ZFPM2: variants seen among roughly 807,000 people sequenced by gnomAD.
ZFPM2 encodes zinc finger protein, FOG family member 2.
In ZFPM2, 20 loss-of-function variants were observed where a neutral mutation model predicts 98.6. The ratio of observed to expected loss-of-function variants is 0.20; its 90% CI spans 0.14 to 0.29. The LOEUF (loss-of-function observed/expected upper bound fraction) is 0.29. ZFPM2 is among the 10% of genes least tolerant of loss of function. The pLI, the probability that ZFPM2 is intolerant of heterozygous loss-of-function variation, is 1.00. For missense variants in ZFPM2, 1,310 were observed against 1,388.6 expected (o/e 0.94, Z 0.90); for synonymous variants, 518 against 502.7 (o/e 1.03, Z -0.41).
chr8:105,686,597 T>C (rs968872024), intron 5 of ZFPM2, among the ~76,000 whole-genome samples: 1 of 152,176 alleles, frequency 6.6e-6, no homozygotes, highest in African/African-American at 2.4e-5. Context: ...AATTTTTTTC[T>C]TTTTGCATGC....
intron 1 of ZFPM2, among the ~76,000 whole-genome samples, chr8:105,412,039 G>A (rs190028598): frequency 1.6e-3 from 248 of 151,624 alleles, no homozygotes; most frequent in African/African-American, 5.7e-3. Flanking sequence ...CATTTCGGGG[G>A]GAATAATATT....
At chr8:105,790,570 G>T (rs1313107799) in intron 6 of ZFPM2, among the ~76,000 whole-genome samples, 1 of 151,952 alleles carries the variant, frequency 6.6e-6, no homozygotes, top group African/African-American at 2.4e-5. Context: ...TTGACTTGGT[G>T]ATGCGGGCTC....
chr8:105,456,134 A>G (rs1812584545), intron 3 of ZFPM2, among the ~76,000 whole-genome samples: 2 of 150,594 alleles, frequency 1.3e-5, no homozygotes, highest in South Asian at 4.3e-4. Context: ...AGATGGGGAA[A>G]ACCAGGAAAA....
intron 5 of ZFPM2, among the ~76,000 whole-genome samples, chr8:105,740,556 A>G (rs1182354457): frequency 2.0e-5 from 3 of 147,922 alleles, no homozygotes; most frequent in Admixed American, 6.8e-5. Flanking sequence ...ATATATATAT[A>G]TACATGTGTT....
rs143078831 is a variant in ZFPM2 at position 105,432,079 on chromosome 8, T to C, written c.200-12201T>C. Among the ~76,000 whole-genome samples, 192 of 151,866 alleles carry C rather than the reference T, an allele frequency of 1.3e-3. 5 individuals carry two copies. In the East Asian group the frequency reaches 0.024, roughly 19 times the overall value. On this transcript the variant is annotated intron_variant, in intron 2 of 7. Coordinates refer to ENST00000407775, the MANE Select transcript of ZFPM2 (RefSeq NM_012082.4). ...GGAGAGCAATAGAGACGGGTGTGAG[T>C]TGGGCCAGAGAGACCAGGAAGGACA...
intron 5 of ZFPM2, among the ~76,000 whole-genome samples, chr8:105,741,415 G>C (rs1220454082): frequency 3.3e-5 from 5 of 152,106 alleles, no homozygotes; most frequent in African/African-American, 4.8e-5. Flanking sequence ...TGTTGTTTAA[G>C]ATCAAGAAAT....
chr8:105,393,337 C>CTTTCTTTCCTT (rs1554600680), intron 1 of ZFPM2, among the ~76,000 whole-genome samples: 1 of 114,776 alleles, frequency 8.7e-6, no homozygotes, highest in African/African-American at 3.2e-5. Context: ...TCTCTCTTTG[C>CTTTCTTTCCTT]CTTTCTTTCT....
At chr8:105,608,012 G>A (rs574136001) in intron 4 of ZFPM2, among the ~76,000 whole-genome samples, 1 of 152,204 alleles carries the variant, frequency 6.6e-6, no homozygotes, top group African/African-American at 2.4e-5. Flanking sequence ...CCGTAAAAAA[G>A]AACGAGATCA....
chr8:105,662,750 A>G (rs1817416009), intron 5 of ZFPM2: 1 of 151,636 alleles, frequency 6.6e-6, no homozygotes, highest in South Asian at 2.1e-4. Flanking sequence ...CAATATACTA[A>G]TATATTTAAA....
intron 4 of ZFPM2, among the ~76,000 whole-genome samples, chr8:105,579,067 CT>C (rs1815529295): frequency 6.6e-6 from 1 of 151,826 alleles, no homozygotes; most frequent in African/African-American, 2.4e-5. Context: ...ACGTGGAATA[CT>C]AAAGAAAAAA....
intron 5 of ZFPM2, among the ~76,000 whole-genome samples, chr8:105,695,936 T>G (rs1271215263): frequency 6.6e-6 from 1 of 152,204 alleles, no homozygotes; most frequent in Non-Finnish European, 1.5e-5. Flanking sequence ...AAATGTGATT[T>G]TCTTGCTCTC....
At chr8:105,776,840 A>T (rs1220246539) in intron 5 of ZFPM2, among the ~76,000 whole-genome samples, 1 of 152,216 alleles carries the variant, frequency 6.6e-6, no homozygotes, top group Non-Finnish European at 1.5e-5. Flanking sequence ...GATATTCCAT[A>T]TCCTATAAAA....
intron 3 of ZFPM2, among the ~76,000 whole-genome samples, chr8:105,505,536 TA>T (rs1813681126): frequency 6.6e-6 from 1 of 152,126 alleles, no homozygotes. Context: ...TATTAAAACA[TA>T]CTTTTTTTTT....
chr8:105,794,402 G>A (rs1813725976), intron 6 of ZFPM2, among the ~76,000 whole-genome samples: 1 of 152,160 alleles, frequency 6.6e-6, no homozygotes, highest in Non-Finnish European at 1.5e-5. Context: ...GGTTTTTCAT[G>A]AACCGTGAAT....
At chr8:105,650,853 C>T (rs10111322) in intron 5 of ZFPM2, among the ~76,000 whole-genome samples, 2 of 152,038 alleles carry the variant, frequency 1.3e-5, no homozygotes, top group Non-Finnish European at 2.9e-5. Context: ...TGTTGATTTG[C>T]GGTGGAGAGT....
At chr8:105,728,979 A>G (rs1484960339) in intron 5 of ZFPM2, among the ~76,000 whole-genome samples, 1 of 151,686 alleles carries the variant, frequency 6.6e-6, no homozygotes, top group Non-Finnish European at 1.5e-5. Context: ...TTGAGTGTTT[A>G]GGTGCCTGTC....
At chr8:105,339,525 C>A (rs1457047549) in intron 1 of ZFPM2, among the ~76,000 whole-genome samples, 1 of 151,796 alleles carries the variant, frequency 6.6e-6, no homozygotes, top group Non-Finnish European at 1.5e-5. Flanking sequence ...TCAAAGAAAT[C>A]AAATTGCTAG....
intron 3 of ZFPM2, among the ~76,000 whole-genome samples, chr8:105,532,620 T>C (rs1224868717): frequency 6.6e-6 from 1 of 152,208 alleles, no homozygotes; most frequent in Non-Finnish European, 1.5e-5. Flanking sequence ...GCTTGCCTCA[T>C]ACATAATTAT....
intron 4 of ZFPM2, among the ~76,000 whole-genome samples, chr8:105,632,732 G>A (rs1334860540): frequency 1.3e-5 from 2 of 152,042 alleles, no homozygotes; most frequent in Non-Finnish European, 2.9e-5. Context: ...TTTTTCGCAA[G>A]GCTTTTAGAG....
Sources: gnomAD v4.1 joint callset for allele counts (sites outside exome capture counted in the v4.1 genomes callset) on GRCh38, gnomAD v4.1.1 for gene constraint, MANE v1.5 for transcripts, NCBI Gene and HGNC (gene_info 2026-07-23, HGNC 2026-07-21) for gene names.